The following SNX13 variants were observed in gnomAD, a reference collection of about 807,000 sequenced individuals.
SNX13 encodes the protein sorting nexin-13.
Under a neutral mutation model 133.6 loss-of-function variants are expected in SNX13, and 45 were observed. That is an observed-to-expected ratio of 0.34 (90% CI 0.27 to 0.43). The LOEUF is 0.43. SNX13 is among the 20% of genes least tolerant of loss of function. The probability of loss-of-function intolerance (pLI) is 1.00; values close to 1 mark genes in which losing one functional copy is unlikely to be tolerated. For synonymous variants in SNX13, 414 were observed against 373.9 expected (o/e 1.11, Z -1.24); for missense variants, 1,032 against 1,145.1 (o/e 0.90, Z 1.43).
intron 8 of SNX13, among the ~76,000 whole-genome samples, chr7:17,868,898 G>T (rs552912831): frequency 6.6e-6 from 1 of 151,968 alleles, no homozygotes; most frequent in Non-Finnish European, 1.5e-5. Flanking sequence ...GGGAGGAAAC[G>T]GCAACTACAG....
intron 1 of SNX13, among the ~76,000 whole-genome samples, chr7:17,903,871 T>A (rs1234455770): frequency 6.6e-6 from 1 of 152,200 alleles, no homozygotes; most frequent in Admixed American, 6.5e-5. Context: ...AATAAATTCC[T>A]GGTCTGAAAA....
Position 17,940,429 on chromosome 7 carries a change from C to G in SNX13, c.-134G>C, listed in dbSNP as rs947753285. On this transcript the variant is annotated 5_prime_UTR_variant, in exon 1 of 26. Transcript: ENST00000428135. ...AGTCTTCTCCCGGGCGGCGGTTTTA[C>G]TCGGCTTCGCTGGCCTCCCCTCGGC... 1 of 1,014,364 alleles carries G rather than the reference C, an allele frequency of 9.9e-7. No homozygotes were observed. The highest frequency in any genetic ancestry group is 1.4e-5 in the South Asian group (1 of 73,628). 62.8% of individuals were successfully genotyped at this position (1,014,364 alleles called of 1,614,324 possible). A position where few individuals can be genotyped will look rare whatever the true frequency, so the allele number is the denominator to read the frequency against.
At position 17,893,450 on chromosome 7, in the gene SNX13, T is replaced by A; in HGVS notation, c.126-16A>T. On this transcript the variant is annotated splice_polypyrimidine_tract_variant and intron_variant, in intron 2 of 25. Coordinates refer to ENST00000428135, the MANE Select transcript of SNX13 (RefSeq NM_015132.5). ...CACTAAACCCCTAGAAAGAAAAATT[T>A]AATCACAAATATAAAAACAAAATTT... 6.9e-7 allele frequency: 1 copy of A among 1,448,018 alleles called. No individual in the cohort carries two copies. The highest frequency in any genetic ancestry group is 9.4e-7 in the Non-Finnish European group (1 of 1,066,240). 89.7% of individuals were successfully genotyped at this position (1,448,018 alleles called of 1,614,324 possible). A position where few individuals can be genotyped will look rare whatever the true frequency, so the allele number is the denominator to read the frequency against.
In SNX13 at chr7:17,800,120, A is replaced by G. The variant is rs1260258195; in HGVS notation, c.2299-966T>C. On this transcript the variant is annotated intron_variant, in intron 22 of 25. Coordinates refer to ENST00000428135, the MANE Select transcript of SNX13 (RefSeq NM_015132.5). ...AAACTTCTGTATTCTCTGATCAAGT[A>G]TATTCCTACGAGTTTGGTGCCATAT... Among the ~76,000 whole-genome samples, 7 of 151,868 alleles carry G rather than the reference A, an allele frequency of 4.6e-5. No homozygotes were observed. In the East Asian group the frequency reaches 1.4e-3, roughly 29 times the overall value.
chr7:17,899,386 T>G (rs1285103351), intron 1 of SNX13: 1 of 152,152 alleles, frequency 6.6e-6, no homozygotes, highest in African/African-American at 2.4e-5. Flanking sequence ...ATTATCTATC[T>G]GAATAAATTT....
chr7:17,805,494 C>T (rs1315463151), intron 20 of SNX13, among the ~76,000 whole-genome samples: 1 of 152,172 alleles, frequency 6.6e-6, no homozygotes, highest in African/African-American at 2.4e-5. Context: ...GAAAAAATTG[C>T]CACCTTGCTA....
intron 1 of SNX13, among the ~76,000 whole-genome samples, chr7:17,937,513 C>CAAAAA (rs5882636): frequency 2.5e-5 from 2 of 79,824 alleles, no homozygotes; most frequent in Non-Finnish European, 4.9e-5. Context: ...GACTCCGTCT[C>CAAAAA]AAAAAAAAAA....
intron 5 of SNX13, among the ~76,000 whole-genome samples, chr7:17,884,088 T>C (rs1052284425): frequency 1.1e-4 from 17 of 152,124 alleles, no homozygotes; most frequent in African/African-American, 3.6e-4. Flanking sequence ...CAACAGACAG[T>C]TTTATAGCCA....
In SNX13 at chr7:17,909,573, G is replaced by A. The variant is rs116614257; in HGVS notation, c.13-12127C>T. The stretch of plus-strand genomic sequence containing the variant: ...CACATCCTTTGTAGGGACATGGGTC[G>A]AGCTAGAAGCCATTATTCTCAGCAA... On this transcript the variant is annotated intron_variant, in intron 1 of 25. Coordinates refer to ENST00000428135, the MANE Select transcript of SNX13 (RefSeq NM_015132.5). 5.5e-3 allele frequency among the ~76,000 whole-genome samples: 838 copies of A among 152,318 alleles called. 10 individuals are homozygous for A. The highest frequency in any genetic ancestry group is 0.019 in the African/African-American group (788 of 41,558).
chr7:17,915,517 C>A (rs1389390195), intron 1 of SNX13, among the ~76,000 whole-genome samples: 1 of 152,176 alleles, frequency 6.6e-6, no homozygotes, highest in African/African-American at 2.4e-5. Context: ...CATATAAACA[C>A]CACACTTTTT....
In SNX13 at chr7:17,805,240, TGTGTGTGTGTGC is replaced by T. The variant is rs1225921734; in HGVS notation, c.2065-1672_2065-1661del. ...GTGTGTGTGTGTGTGTGTGTGTGTG[TGTGTGTGTGTGC>T]GTGCGCGCGCGCGCATGCATGCACA... On this transcript the variant is annotated intron_variant, in intron 20 of 25. Transcript: ENST00000428135. Among the ~76,000 whole-genome samples, 91 of 116,058 alleles carry T rather than the reference TGTGTGTGTGTGC, an allele frequency of 7.8e-4. 1 individual carries two copies. Among genetic ancestry groups the T allele is most frequent in the South Asian group, 1.1e-3 (4 of 3,752 alleles). 76.1% of individuals were successfully genotyped at this position (116,058 alleles called of 152,430 possible). A position where few individuals can be genotyped will look rare whatever the true frequency, so the allele number is the denominator to read the frequency against.
intron 15 of SNX13, chr7:17,832,071 A>T: frequency 1.0e-6 from 1 of 982,736 alleles, no homozygotes; most frequent in Non-Finnish European, 1.2e-6. Context: ...AATAAGATAC[A>T]TAAGTATATA....
At chr7:17,909,357 C>T (rs1327549791) in intron 1 of SNX13, among the ~76,000 whole-genome samples, 10 of 152,112 alleles carry the variant, frequency 6.6e-5, no homozygotes, top group Non-Finnish European at 1.5e-5. Flanking sequence ...TGGGTATATA[C>T]CCAAAGGAAT....
At chr7:17,927,797 G>A (rs1336857689) in intron 1 of SNX13, among the ~76,000 whole-genome samples, 3 of 152,068 alleles carry the variant, frequency 2.0e-5, no homozygotes, top group Non-Finnish European at 4.4e-5. Context: ...CTAAAAATAA[G>A]CTCAGTTACA....
Position 17,816,268 on chromosome 7 carries a change from A to G in SNX13, c.1867T>C (p.Leu623=), listed in dbSNP as rs1382929212. The G allele has an allele frequency of 6.5e-7, 1 of 1,543,420 alleles. No homozygotes were observed. The highest frequency in any genetic ancestry group is 8.8e-7 in the Non-Finnish European group (1 of 1,142,570). ...TEQFESLSSI[L]KLPGKKTFNN... is the part of the protein sequence containing the mutation. ...AAAGTCTTTTTTCCAGGAAGTTTCA[A>G]TATGCTTGAGAGACTTTCAAACTGT... The change falls in exon 19 of 26, where the codon TTG becomes CTG. Residue 623 remains leucine, a synonymous_variant. Transcript: ENST00000428135.
At chr7:17,931,191 T>A (rs1801355262) in intron 1 of SNX13, among the ~76,000 whole-genome samples, 1 of 152,214 alleles carries the variant, frequency 6.6e-6, no homozygotes, top group Non-Finnish European at 1.5e-5. Flanking sequence ...ATATTAATAG[T>A]TGCAGTCTGA....
intron 9 of SNX13, 28 bp from the exon 10 acceptor site, chr7:17,850,992 G>C: frequency 6.3e-7 from 1 of 1,579,472 alleles, no homozygotes; most frequent in South Asian, 1.2e-5. Flanking sequence ...AAAAACAGGT[G>C]GGAGAGGAAC....
chr7:17,900,614 G>A (rs1344797898), intron 1 of SNX13, among the ~76,000 whole-genome samples: 1 of 152,194 alleles, frequency 6.6e-6, no homozygotes, highest in Admixed American at 6.5e-5. Flanking sequence ...CCCATGGCAA[G>A]TACTGCCTGG....
At chr7:17,870,617 C>T (rs955315480) in intron 8 of SNX13, among the ~76,000 whole-genome samples, 1 of 152,210 alleles carries the variant, frequency 6.6e-6, no homozygotes, top group Admixed American at 6.5e-5. Context: ...CTTCAAGAAG[C>T]TGCAGTAGCA....
Sources: allele counts gnomAD v4.1 joint callset (sites outside exome capture counted in the v4.1 genomes callset), GRCh38; gene constraint gnomAD v4.1.1; transcripts MANE v1.5; gene names NCBI Gene and HGNC (gene_info 2026-07-23, HGNC 2026-07-21).